Variants in CIMIP6 observed in about 807,000 individuals in gnomAD.
The protein encoded by CIMIP6 is uncharacterized protein C2orf73.
chr2:54,351,988 G>GAAA, the CIMIP6 span, among the ~76,000 whole-genome samples: 1 of 150,382 alleles, frequency 6.6e-6, no homozygotes, highest in Non-Finnish European at 1.5e-5. Flanking sequence ...TCCACAAGAA[G>GAAA]AAAAAAAAAC....
the CIMIP6 span, among the ~76,000 whole-genome samples, chr2:54,370,819 C>T: frequency 2.6e-5 from 4 of 152,202 alleles, no homozygotes; most frequent in African/African-American, 9.7e-5. Flanking sequence ...AGAGGTGAGA[C>T]AGTCCCTGGA....
chr2:54,372,110 T>C, the CIMIP6 span, among the ~76,000 whole-genome samples: 11 of 152,170 alleles, frequency 7.2e-5, no homozygotes, highest in Non-Finnish European at 1.3e-4. Flanking sequence ...ACTATTATTA[T>C]AATCATTAAA....
At chr2:54,360,537 A>G in the CIMIP6 span, 1 of 1,505,620 alleles carries the variant, frequency 6.6e-7, no homozygotes, top group Non-Finnish European at 8.9e-7. Context: ...AAGCCTTTAA[A>G]TCCACCAATT....
At chr2:54,341,547 C>G in the CIMIP6 span, among the ~76,000 whole-genome samples, 1 of 152,204 alleles carries the variant, frequency 6.6e-6, no homozygotes, top group Non-Finnish European at 1.5e-5. Flanking sequence ...TCTATTTTCA[C>G]TTCTTAAATA....
At chr2:54,358,344 T>C in the CIMIP6 span, among the ~76,000 whole-genome samples, 1 of 152,226 alleles carries the variant, frequency 6.6e-6, no homozygotes, top group African/African-American at 2.4e-5. Flanking sequence ...AGTTAACAAA[T>C]TATAGTTATG....
chr2:54,368,070 T>G, the CIMIP6 span, among the ~76,000 whole-genome samples: 1 of 152,178 alleles, frequency 6.6e-6, no homozygotes, highest in African/African-American at 2.4e-5. Context: ...TTGAAGAAAC[T>G]TATGACCTAA....
At chr2:54,358,243 C>T in the CIMIP6 span, among the ~76,000 whole-genome samples, 1 of 152,206 alleles carries the variant, frequency 6.6e-6, no homozygotes, top group African/African-American at 2.4e-5. Context: ...TTAGTGCTAG[C>T]TTCGGCATAC....
chr2:54,374,156 TTCTC>T, the CIMIP6 span, among the ~76,000 whole-genome samples: 1 of 152,250 alleles, frequency 6.6e-6, no homozygotes. Context: ...CCATGTTCCT[TTCTC>T]TCTTCTACTC....
the CIMIP6 span, among the ~76,000 whole-genome samples, chr2:54,348,313 C>T: frequency 4.6e-5 from 7 of 152,166 alleles, no homozygotes; most frequent in South Asian, 1.5e-3. Context: ...TAAATGGTAA[C>T]TGTTTCTATT....
At chr2:54,372,233 A>G in the CIMIP6 span, among the ~76,000 whole-genome samples, 2 of 152,186 alleles carry the variant, frequency 1.3e-5, no homozygotes, top group South Asian at 2.1e-4. Context: ...GTCAGATTCC[A>G]TGCCCACCCT....
chr2:54,346,352 G>A, the CIMIP6 span, among the ~76,000 whole-genome samples: 115,645 of 152,014 alleles, frequency 0.76, 44,156 homozygotes, highest in Non-Finnish European at 0.8. Context: ...GTGAAACAAG[G>A]AATAGATGTT....
At chr2:54,349,715 G>A in the CIMIP6 span, among the ~76,000 whole-genome samples, 2 of 152,074 alleles carry the variant, frequency 1.3e-5, no homozygotes, top group Admixed American at 1.3e-4. Context: ...TTCTGTAAAT[G>A]TCTCATATGC....
At chr2:54,367,297 T>C in the CIMIP6 span, among the ~76,000 whole-genome samples, 27 of 152,238 alleles carry the variant, frequency 1.8e-4, no homozygotes, top group African/African-American at 5.5e-4. Context: ...ATTCTGATAA[T>C]AGATTCTAGG....
chr2:54,365,213 C>G, the CIMIP6 span, among the ~76,000 whole-genome samples: 1 of 152,124 alleles, frequency 6.6e-6, no homozygotes. Context: ...CTGAGCTATG[C>G]ACAGGAGTGG....
chr2:54,368,406 A>ATG, the CIMIP6 span, among the ~76,000 whole-genome samples: 2 of 152,266 alleles, frequency 1.3e-5, no homozygotes, highest in African/African-American at 4.8e-5. Context: ...GCCCTGTCAG[A>ATG]TGTCTGCTTG....
the CIMIP6 span, among the ~76,000 whole-genome samples, chr2:54,335,917 T>G: frequency 6.6e-6 from 1 of 152,140 alleles, no homozygotes; most frequent in South Asian, 2.1e-4. Flanking sequence ...TTCAAATCTT[T>G]CTCTGACCCA....
the CIMIP6 span, among the ~76,000 whole-genome samples, chr2:54,353,545 G>A: frequency 7.2e-5 from 11 of 151,996 alleles, no homozygotes; most frequent in African/African-American, 2.4e-4. Context: ...GGGAGTGGGG[G>A]GAGGGGGAAA....
chr2:54,343,574 A>T, the CIMIP6 span: 1 of 515,504 alleles, frequency 1.9e-6, no homozygotes, highest in Non-Finnish European at 3.0e-6. Context: ...TTGTGAAAAG[A>T]TATTTCCAGA....
At chr2:54,365,838 C>T in the CIMIP6 span, among the ~76,000 whole-genome samples, 1 of 152,112 alleles carries the variant, frequency 6.6e-6, no homozygotes, top group Admixed American at 6.5e-5. Context: ...AAACTTAATT[C>T]AGTAGATTAA....
Sources: allele counts gnomAD v4.1 joint callset (sites outside exome capture counted in the v4.1 genomes callset), GRCh38; gene constraint gnomAD v4.1.1; transcripts MANE v1.5; gene names NCBI Gene and HGNC (gene_info 2026-07-23, HGNC 2026-07-21).